LPP: variants seen among roughly 807,000 people sequenced by gnomAD.
LPP encodes the protein lipoma-preferred partner.
In LPP, 38 loss-of-function variants were observed where a neutral mutation model predicts 60.4. The ratio of observed to expected loss-of-function variants is 0.63; its 90% CI spans 0.49 to 0.83. The LOEUF is 0.83. Ranked by LOEUF, LPP falls within the 40% of genes least tolerant of loss-of-function variation. LPP has a pLI of 0.00. For missense variants in LPP, 902 were observed against 783.6 expected (o/e 1.15, Z -1.80); for synonymous variants, 328 against 290.8 (o/e 1.13, Z -1.30).
At chr3:188,562,070 CACAG>C (rs1429678964) in intron 6 of LPP, among the ~76,000 whole-genome samples, 1 of 51,694 alleles carries the variant, frequency 1.9e-5, no homozygotes, top group Admixed American at 2.3e-4. Context: ...CACAGACACA[CACAG>C]ACACACACAC....
chr3:188,198,377 A>G (rs1730127501), intron 1 of LPP, among the ~76,000 whole-genome samples: 1 of 152,218 alleles, frequency 6.6e-6, no homozygotes, highest in African/African-American at 2.4e-5. Context: ...TGCTGTGTAT[A>G]AGGGCCTGGG....
chr3:188,546,860 A>G (rs906192688), intron 6 of LPP, among the ~76,000 whole-genome samples: 4 of 152,176 alleles, frequency 2.6e-5, no homozygotes, highest in African/African-American at 9.6e-5. Flanking sequence ...TATTTATTGT[A>G]AACTTCATCA....
chr3:188,267,364 T>C (rs1052019692), intron 2 of LPP, among the ~76,000 whole-genome samples: 2 of 152,230 alleles, frequency 1.3e-5, no homozygotes, highest in Non-Finnish European at 2.9e-5. Context: ...AATAACTGGC[T>C]GTGAAACCTA....
intron 7 of LPP, among the ~76,000 whole-genome samples, chr3:188,612,896 G>A (rs1381960621): frequency 1.3e-5 from 2 of 151,904 alleles, no homozygotes; most frequent in Non-Finnish European, 2.9e-5. Flanking sequence ...GACAGGATGG[G>A]GAAAAGGAGA....
intron 9 of LPP, among the ~76,000 whole-genome samples, chr3:188,798,820 T>G (rs553197648): frequency 6.6e-6 from 1 of 152,346 alleles, no homozygotes; most frequent in East Asian, 1.9e-4. Context: ...AGAAGGGAAA[T>G]TTCACCGTCT....
At chr3:188,404,137 GCTT>G (rs1782867688) in intron 3 of LPP, among the ~76,000 whole-genome samples, 1 of 152,134 alleles carries the variant, frequency 6.6e-6, no homozygotes, top group South Asian at 2.1e-4. Flanking sequence ...AAGAATAGAG[GCTT>G]CTTTTTTTCT....
At chr3:188,637,073 C>A (rs934295446) in intron 7 of LPP, among the ~76,000 whole-genome samples, 1 of 150,284 alleles carries the variant, frequency 6.7e-6, no homozygotes, top group Non-Finnish European at 1.5e-5. Flanking sequence ...TTTTTCAGCA[C>A]CACACCACAC....
intron 1 of LPP, among the ~76,000 whole-genome samples, chr3:188,199,345 A>G (rs77386965): frequency 0.039 from 6,003 of 152,106 alleles, 153 homozygotes; most frequent in South Asian, 0.096. Flanking sequence ...TAGACTTTAC[A>G]TCTTGGTGGG....
chr3:188,250,784 T>TTCTTTCTG (rs1553835749), intron 2 of LPP, among the ~76,000 whole-genome samples: 4,129 of 116,454 alleles, frequency 0.035, 105 homozygotes, highest in Non-Finnish European at 0.042. Context: ...CTTTCTTTCT[T>TTCTTTCTG]TCTGTCTTTC....
chr3:188,382,037 C>T (rs796341410), intron 3 of LPP, among the ~76,000 whole-genome samples: 13 of 152,052 alleles, frequency 8.5e-5, no homozygotes, highest in African/African-American at 2.9e-4. Context: ...ATCCTCCTGC[C>T]TCAGCCTCCC....
At chr3:188,666,213 C>T (rs918245650) in intron 7 of LPP, among the ~76,000 whole-genome samples, 6 of 152,178 alleles carry the variant, frequency 3.9e-5, no homozygotes, top group African/African-American at 1.4e-4. Flanking sequence ...TACAAATTAA[C>T]AAGCAAAATT....
intron 1 of LPP, among the ~76,000 whole-genome samples, chr3:188,193,827 G>T (rs1162502130): frequency 6.6e-6 from 1 of 152,050 alleles, no homozygotes; most frequent in East Asian, 1.9e-4. Flanking sequence ...AATTTTTCCT[G>T]GAGTTACACT....
chr3:188,851,920 T>G (rs186386419), intron 9 of LPP, among the ~76,000 whole-genome samples: 20 of 152,264 alleles, frequency 1.3e-4, no homozygotes, highest in African/African-American at 4.3e-4. Context: ...CCCGGCACAC[T>G]GGGAGGCTGA....
At chr3:188,451,236 A>G (rs1796525314) in intron 4 of LPP, among the ~76,000 whole-genome samples, 1 of 152,152 alleles carries the variant, frequency 6.6e-6, no homozygotes, top group Non-Finnish European at 1.5e-5. Flanking sequence ...TTCCATACAT[A>G]GTAAACAGAT....
intron 7 of LPP, among the ~76,000 whole-genome samples, chr3:188,668,173 T>A (rs758385003): frequency 3.3e-5 from 5 of 152,094 alleles, no homozygotes; most frequent in Non-Finnish European, 7.4e-5. Flanking sequence ...AAAAATGGTA[T>A]CTGGTACATA....
chr3:188,530,945 A>T (rs1822024263), intron 6 of LPP, among the ~76,000 whole-genome samples: 1 of 152,210 alleles, frequency 6.6e-6, no homozygotes, highest in African/African-American at 2.4e-5. Flanking sequence ...AGAAGACAAG[A>T]GATCAATCAT....
chr3:188,804,108 C>T (rs1049989556), intron 9 of LPP, among the ~76,000 whole-genome samples: 4 of 150,104 alleles, frequency 2.7e-5, no homozygotes, highest in Non-Finnish European at 5.9e-5. Flanking sequence ...TTCATTGCTA[C>T]TGTATAGATA....
chr3:188,250,780 T>TTCTG (rs1296414630), intron 2 of LPP, among the ~76,000 whole-genome samples: 7 of 93,804 alleles, frequency 7.5e-5, no homozygotes, highest in African/African-American at 1.3e-4. Context: ...CTTTCTTTCT[T>TTCTG]TCTTTCTGTC....
intron 3 of LPP, among the ~76,000 whole-genome samples, chr3:188,400,043 C>T (rs992080316): frequency 2.0e-5 from 3 of 152,046 alleles, no homozygotes; most frequent in African/African-American, 7.2e-5. Flanking sequence ...TAGTTATTTG[C>T]TTTCTGTTGT....
Sources: gnomAD v4.1 joint callset for allele counts (sites outside exome capture counted in the v4.1 genomes callset) on GRCh38, gnomAD v4.1.1 for gene constraint, MANE v1.5 for transcripts, NCBI Gene and HGNC (gene_info 2026-07-23, HGNC 2026-07-21) for gene names.